ARMC2: variants seen among roughly 807,000 people sequenced by gnomAD.
The protein encoded by ARMC2 is armadillo repeat containing 2.
ARMC2 carries 67 observed loss-of-function variants against 90.3 expected under a neutral mutation model. That is an observed-to-expected ratio of 0.74 (90% CI 0.61 to 0.91). The LOEUF (loss-of-function observed/expected upper bound fraction) is 0.91, where lower values mean the gene tolerates loss of function less well. ARMC2 is among the 40% of genes least tolerant of loss of function. The pLI is 0.00. For synonymous variants in ARMC2, 393 were observed against 393.0 expected, an observed-to-expected ratio of 1.00 and a Z score of 0.00; for missense variants, 920 against 1,030.9, an observed-to-expected ratio of 0.89 and a Z score of 1.47.
At chr6:108,947,829 G>GAA (rs5879005) in intron 12 of ARMC2, among the ~76,000 whole-genome samples, 3 of 139,164 alleles carry the variant, frequency 2.2e-5, no homozygotes, top group East Asian at 2.1e-4. Flanking sequence ...CCTTCTTTAG[G>GAA]AAAAAAAAAA....
chr6:108,910,983 C>T lies in ARMC2; in HGVS notation c.1108C>T (p.Gln370Ter). Reference protein sequence around the residue: ...SRNEKNDSLIQNDSILESLLE... With the variant: ...SRNEKNDSLI Reference sequence around the variant, plus strand: ...GAATGAGAAGAATGATTCTTTGATTCAAAATGACAGCATTCTGGGTGAGTG... The same window carrying T: ...GAATGAGAAGAATGATTCTTTGATTTAAAATGACAGCATTCTGGGTGAGTG... The change falls in exon 9 of 18, where the codon CAA (glutamine) becomes TAA (stop). Residue 370 changes from glutamine to a stop codon, truncating the protein, a stop_gained. Transcript: ENST00000392644. LOFTEE classifies it high-confidence loss of function. 6.3e-7 allele frequency: 1 copy of T among 1,579,428 alleles called. No homozygotes were observed. Among genetic ancestry groups the T allele is most frequent in the East Asian group, 2.3e-5 (1 of 44,010 alleles).
chr6:109,023,782 G>A, the ARMC2 span, among the ~76,000 whole-genome samples: 1 of 152,090 alleles, frequency 6.6e-6, no homozygotes, highest in Non-Finnish European at 1.5e-5. Context: ...TAAACAAAAT[G>A]TAACATTTTA....
At chr6:109,000,788 C>T in the ARMC2 span, 1 of 838,438 alleles carries the variant, frequency 1.2e-6, no homozygotes. Context: ...TTCAAATTTT[C>T]CGTAAACTAC....
intron 10 of ARMC2, among the ~76,000 whole-genome samples, chr6:108,914,400 T>TC (rs1041757051): frequency 1.3e-5 from 2 of 151,962 alleles, no homozygotes; most frequent in East Asian, 1.9e-4. Context: ...GACATTTGTG[T>TC]CCCCCCACCT....
intron 10 of ARMC2, among the ~76,000 whole-genome samples, chr6:108,919,568 G>T (rs1774342245): frequency 6.6e-6 from 1 of 152,020 alleles, no homozygotes. Context: ...CATTTATTTT[G>T]AAGGTTTTGC....
intron 11 of ARMC2, among the ~76,000 whole-genome samples, chr6:108,932,401 A>G (rs1250882126): frequency 6.7e-6 from 1 of 150,030 alleles, no homozygotes; most frequent in East Asian, 2.0e-4. Flanking sequence ...TCCATCATCC[A>G]TCTTGAGTTG....
chr6:108,907,584 TG>T (rs1018210261), intron 8 of ARMC2: 32 of 1,517,794 alleles, frequency 2.1e-5, no homozygotes, highest in Admixed American at 5.3e-5. Context: ...GGTCGTGGGG[TG>T]GGGGGGTGCA....
At chr6:109,016,473 C>T in the ARMC2 span, among the ~76,000 whole-genome samples, 2 of 152,122 alleles carry the variant, frequency 1.3e-5, no homozygotes, top group Admixed American at 6.6e-5. Flanking sequence ...CTCTTGCTTT[C>T]CAAGAGGGTA....
At position 108,932,144 on chromosome 6, in the gene ARMC2, T is replaced by C. The variant is rs546257781; in HGVS notation, c.1496+3911T>C. On this transcript the variant is annotated intron_variant, in intron 11 of 17. Coordinates refer to ENST00000392644, the MANE Select transcript of ARMC2 (RefSeq NM_032131.6). ...TTATATGTCCTGGATATTAAACCTT[T>C]GACAGATGCATAGTTTGCAAATATT... 1.3e-3 allele frequency among the ~76,000 whole-genome samples: 202 copies of C among 152,130 alleles called. 8 individuals are homozygous for C. Among genetic ancestry groups the C allele is most frequent in the African/African-American group, 4.3e-3 (178 of 41,368 alleles).
At chr6:108,852,215 A>T (rs1335837803) in intron 1 of ARMC2, among the ~76,000 whole-genome samples, 1 of 152,140 alleles carries the variant, frequency 6.6e-6, no homozygotes, top group African/African-American at 2.4e-5. Flanking sequence ...CCTCCCCCCA[A>T]AGCCCCACTT....
intron 6 of ARMC2, among the ~76,000 whole-genome samples, chr6:108,896,291 T>C (rs1168264557): frequency 6.6e-6 from 1 of 152,202 alleles, no homozygotes; most frequent in African/African-American, 2.4e-5. Context: ...TTTGCTTGAC[T>C]TACCCAATTT....
chr6:108,924,482 T>A (rs1403724334), intron 10 of ARMC2, among the ~76,000 whole-genome samples: 1 of 110,522 alleles, frequency 9.0e-6, no homozygotes, highest in East Asian at 2.3e-4. Context: ...CGAGACTCTG[T>A]CTCGAAAAAG....
the ARMC2 span, among the ~76,000 whole-genome samples, chr6:109,049,291 G>A: frequency 4.0e-5 from 6 of 151,786 alleles, no homozygotes; most frequent in African/African-American, 4.8e-5. Context: ...GTTAAACATC[G>A]TATGTTCTCA....
At chr6:108,968,043 A>G (rs1232186900) in intron 17 of ARMC2, among the ~76,000 whole-genome samples, 2 of 152,162 alleles carry the variant, frequency 1.3e-5, no homozygotes, top group African/African-American at 4.8e-5. Context: ...CTGTATTATT[A>G]TTTTGTGAGT....
At chr6:108,914,268 G>A (rs1001517642) in intron 10 of ARMC2, among the ~76,000 whole-genome samples, 1 of 152,024 alleles carries the variant, frequency 6.6e-6, no homozygotes, top group Non-Finnish European at 1.5e-5. Flanking sequence ...TCAAGAAAGG[G>A]GACCTCTGGT....
intron 5 of ARMC2, among the ~76,000 whole-genome samples, chr6:108,891,073 A>G (rs1426731536): frequency 1.3e-5 from 2 of 152,186 alleles, no homozygotes; most frequent in African/African-American, 2.4e-5. Context: ...ACTGCAAAGT[A>G]CACGAACTCA....
intron 5 of ARMC2, among the ~76,000 whole-genome samples, chr6:108,883,064 T>C (rs1319495124): frequency 6.6e-6 from 1 of 152,228 alleles, no homozygotes; most frequent in East Asian, 1.9e-4. Flanking sequence ...AATTGTTGAT[T>C]GGGCGGGCAA....
At chr6:108,931,286 G>A (rs944905170) in intron 11 of ARMC2, among the ~76,000 whole-genome samples, 2 of 151,904 alleles carry the variant, frequency 1.3e-5, no homozygotes, top group South Asian at 4.1e-4. Flanking sequence ...GTATTCCATG[G>A]TGTATAGGTA....
chr6:108,947,708 T>G (rs1373872725), intron 12 of ARMC2, among the ~76,000 whole-genome samples: 5 of 152,168 alleles, frequency 3.3e-5, no homozygotes, highest in African/African-American at 1.2e-4. Context: ...GTCAGTCTTC[T>G]TCCTCTAAGT....
Sources: allele counts gnomAD v4.1 joint callset (sites outside exome capture counted in the v4.1 genomes callset), GRCh38; gene constraint gnomAD v4.1.1; transcripts MANE v1.5; gene names NCBI Gene and HGNC (gene_info 2026-07-23, HGNC 2026-07-21).